FHIT: variants seen among roughly 807,000 people sequenced by gnomAD.
The protein encoded by FHIT is fragile histidine triad diadenosine triphosphatase, also known as bis(5'-adenosyl)-triphosphatase.
Under a neutral mutation model 17.9 loss-of-function variants are expected in FHIT, and 19 were observed. The ratio of observed to expected loss-of-function variants is 1.06; its 90% CI spans 0.74 to 1.56. The LOEUF is 1.56. FHIT is among the 40% of genes most tolerant of loss of function. The pLI is 0.00. For missense variants in FHIT, 248 were observed against 189.2 expected, an observed-to-expected ratio of 1.31 and a Z score of -1.82; for synonymous variants, 81 against 69.7, an observed-to-expected ratio of 1.16 and a Z score of -0.81.
intron 3 of FHIT, among the ~76,000 whole-genome samples, chr3:61,034,184 AATC>A (rs2033136426): frequency 6.6e-6 from 1 of 152,146 alleles, no homozygotes; most frequent in East Asian, 1.9e-4. Flanking sequence ...ATAGGGGTAA[AATC>A]ATTACCCTCA....
chr3:60,527,022 G>T (rs565792476), intron 5 of FHIT, among the ~76,000 whole-genome samples: 1 of 152,186 alleles, frequency 6.6e-6, no homozygotes, highest in Non-Finnish European at 1.5e-5. Context: ...GAATGGTTCT[G>T]CTGCTGCCTC....
rs555627506 is a variant in FHIT at position 61,045,152 on chromosome 3, T to C, written c.-163-3053A>G. The stretch of plus-strand genomic sequence containing the variant: ...TAACAATATTAACCTTAAATGTAAA[T>C]GGGCTAAATGCTCCAATTAAAAGAC... On this transcript the variant is annotated intron_variant, in intron 2 of 9. Coordinates refer to ENST00000492590, the MANE Select transcript of FHIT (RefSeq NM_002012.4). Among the ~76,000 whole-genome samples, 12 of 152,300 alleles carry C rather than the reference T, an allele frequency of 7.9e-5. No homozygotes were observed. In the East Asian group the frequency reaches 2.3e-3, roughly 29 times the overall value.
chr3:59,921,456 A>T (rs1289115007), intron 8 of FHIT, among the ~76,000 whole-genome samples: 2 of 152,066 alleles, frequency 1.3e-5, no homozygotes, highest in Non-Finnish European at 2.9e-5. Flanking sequence ...TGTCAAAAAG[A>T]CGGCAAATAT....
chr3:60,218,868 C>T (rs184593912), intron 5 of FHIT, among the ~76,000 whole-genome samples: 2 of 151,926 alleles, frequency 1.3e-5, no homozygotes, highest in South Asian at 2.1e-4. Context: ...TACATACATA[C>T]ATACATACAT....
At chr3:60,953,636 A>T (rs1163207660) in intron 3 of FHIT, among the ~76,000 whole-genome samples, 1 of 152,056 alleles carries the variant, frequency 6.6e-6, no homozygotes. Flanking sequence ...AAAAATGCCA[A>T]CATCCCTTCC....
At chr3:61,173,420 G>A (rs1560040594) in intron 2 of FHIT, among the ~76,000 whole-genome samples, 1 of 152,166 alleles carries the variant, frequency 6.6e-6, no homozygotes, top group Non-Finnish European at 1.5e-5. Flanking sequence ...CATTGTATGT[G>A]TGTGTGTTGT....
At chr3:60,365,011 A>T (rs75594855) in intron 5 of FHIT, among the ~76,000 whole-genome samples, 1 of 151,522 alleles carries the variant, frequency 6.6e-6, no homozygotes, top group Non-Finnish European at 1.5e-5. Context: ...ACATGAAACA[A>T]TTTCATATAT....
chr3:60,763,428 T>TTTTTATTTATTG (rs1454244759), intron 4 of FHIT, among the ~76,000 whole-genome samples: 1 of 152,204 alleles, frequency 6.6e-6, no homozygotes, highest in Non-Finnish European at 1.5e-5. Flanking sequence ...TACCAATACC[T>TTTTTATTTATTG]AGCATTTATT....
intron 5 of FHIT, among the ~76,000 whole-genome samples, chr3:60,375,868 A>G (rs1700538789): frequency 6.6e-6 from 1 of 152,200 alleles, no homozygotes; most frequent in African/African-American, 2.4e-5. Flanking sequence ...AAAATGTTCC[A>G]GATGTGTGTT....
chr3:60,424,284 C>A (rs138267627), intron 5 of FHIT, among the ~76,000 whole-genome samples: 1 of 152,086 alleles, frequency 6.6e-6, no homozygotes, highest in Admixed American at 6.6e-5. Context: ...CGTCTCAATA[C>A]AGAGAGCAGT....
At chr3:59,982,278 G>A (rs1034180121) in intron 7 of FHIT, among the ~76,000 whole-genome samples, 1 of 151,964 alleles carries the variant, frequency 6.6e-6, no homozygotes, top group Non-Finnish European at 1.5e-5. Flanking sequence ...GGAAAAAGAA[G>A]GTATGAAAAT....
intron 5 of FHIT, among the ~76,000 whole-genome samples, chr3:60,206,421 G>A (rs1703193436): frequency 6.6e-6 from 1 of 152,036 alleles, no homozygotes; most frequent in Non-Finnish European, 1.5e-5. Flanking sequence ...ATAGCCACCT[G>A]GCAAATCTGG....
At chr3:60,151,223 A>G (rs1700448206) in intron 5 of FHIT, among the ~76,000 whole-genome samples, 1 of 152,140 alleles carries the variant, frequency 6.6e-6, no homozygotes, top group African/African-American at 2.4e-5. Flanking sequence ...CTTACCCAAA[A>G]AAATAGGTTC....
intron 5 of FHIT, among the ~76,000 whole-genome samples, chr3:60,524,529 G>A (rs2035501787): frequency 6.6e-6 from 1 of 152,148 alleles, no homozygotes; most frequent in African/African-American, 2.4e-5. Context: ...CGAATGTGGG[G>A]AGCTTTGAAA....
intron 3 of FHIT, among the ~76,000 whole-genome samples, chr3:60,984,785 G>GGTGT (rs58578875): frequency 2.0e-5 from 3 of 150,150 alleles, no homozygotes; most frequent in South Asian, 2.1e-4. Context: ...TTCATGAAGG[G>GGTGT]GTGTGTGTGT....
intron 8 of FHIT, among the ~76,000 whole-genome samples, chr3:59,826,302 G>A (rs572528128): frequency 5.3e-5 from 8 of 152,136 alleles, no homozygotes; most frequent in African/African-American, 1.7e-4. Flanking sequence ...GTAGAGATGG[G>A]GTTTCACCAT....
chr3:59,892,716 T>G (rs781271540), intron 8 of FHIT, among the ~76,000 whole-genome samples: 1 of 152,204 alleles, frequency 6.6e-6, no homozygotes, highest in Non-Finnish European at 1.5e-5. Flanking sequence ...TAATTAATGT[T>G]GTATGTCATA....
chr3:60,551,187 G>C (rs147749310), intron 4 of FHIT, among the ~76,000 whole-genome samples: 1 of 151,880 alleles, frequency 6.6e-6, no homozygotes, highest in Non-Finnish European at 1.5e-5. Context: ...GAGGAGATGG[G>C]TTTGAAAGAT....
chr3:60,012,228 A>C (rs1406626302), intron 6 of FHIT, among the ~76,000 whole-genome samples: 1 of 151,308 alleles, frequency 6.6e-6, no homozygotes, highest in Non-Finnish European at 1.5e-5. Flanking sequence ...GGTTGCAATC[A>C]GCATTACAAA....
Sources: gnomAD v4.1 joint callset for allele counts (sites outside exome capture counted in the v4.1 genomes callset) on GRCh38, gnomAD v4.1.1 for gene constraint, MANE v1.5 for transcripts, NCBI Gene and HGNC (gene_info 2026-07-23, HGNC 2026-07-21) for gene names.